The following GTF2H1 variants were observed in gnomAD, a reference collection of about 807,000 sequenced individuals.
GTF2H1 encodes BTF2 p62.
Under a neutral mutation model 71.2 loss-of-function variants are expected in GTF2H1, and 16 were observed. The observed-to-expected ratio is 0.22, with a 90% CI of 0.15 to 0.34. GTF2H1 has a LOEUF of 0.34. GTF2H1 is among the 10% of genes least tolerant of loss of function. The pLI is 1.00. For missense variants in GTF2H1, 498 were observed against 648.2 expected (o/e 0.77, Z 2.52); for synonymous variants, 215 against 219.0 (o/e 0.98, Z 0.16).
chr11:18,341,699 G>C, intron 7 of GTF2H1, 92 bp downstream of exon 7: 1 of 755,686 alleles, frequency 1.3e-6, no homozygotes, highest in East Asian at 2.6e-5. Flanking sequence ...CCACTTGTGA[G>C]AATGTCAAAT....
At chr11:18,340,982 G>A (rs4150601) in intron 5 of GTF2H1, among the ~76,000 whole-genome samples, 1 of 152,120 alleles carries the variant, frequency 6.6e-6, no homozygotes, top group African/African-American at 2.4e-5. Flanking sequence ...AGCAGACTCA[G>A]CTCTGACTCC....
intron 11 of GTF2H1, among the ~76,000 whole-genome samples, chr11:18,353,479 A>G (rs923568691): frequency 3.3e-5 from 5 of 151,998 alleles, no homozygotes; most frequent in African/African-American, 4.8e-5. Context: ...TGATCACATT[A>G]TCTCCTTCAT....
At chr11:18,353,381 A>G (rs1242678054) in intron 11 of GTF2H1, among the ~76,000 whole-genome samples, 1 of 152,158 alleles carries the variant, frequency 6.6e-6, no homozygotes, top group East Asian at 1.9e-4. Context: ...CCACTACTCG[A>G]GTCTCATCTT....
chr11:18,348,062 T>C (rs930762153), intron 9 of GTF2H1, 143 bp downstream of exon 9: 1 of 680,664 alleles, frequency 1.5e-6, no homozygotes, highest in Non-Finnish European at 2.7e-6. Flanking sequence ...TGTATAGCAT[T>C]ACAAAGAGTA....
In GTF2H1 at chr11:18,341,486, C is replaced by G. The variant is rs4150604; in HGVS notation, c.758-42C>G. 3.1e-6 allele frequency: 5 copies of G among 1,599,866 alleles called. No homozygotes were observed. In the East Asian group the frequency reaches 1.1e-4, roughly 36 times the overall value. On this transcript the variant is annotated intron_variant, in intron 6 of 14. Coordinates refer to ENST00000265963, the MANE Select transcript of GTF2H1 (RefSeq NM_005316.4). ...ACATTATAAGTGTTAATTTCTGAGA[C>G]AGATAAGACATGCTGAACTTTTTAT...
Position 18,338,206 on chromosome 11 carries a change from G to A in GTF2H1, c.445G>A (p.Val149Met). Reference sequence around the variant, plus strand: ...GGAATTCTGGGCCAATCGTTTAAATGTGAATGCAACAGATAGTTCTTCCAC... The same window carrying A: ...GGAATTCTGGGCCAATCGTTTAAATATGAATGCAACAGATAGTTCTTCCAC... Reference protein sequence around the residue: ...AEEFWANRLNVNATDSSSTSN... With the variant: ...AEEFWANRLNMNATDSSSTSN... The change falls in exon 4 of 15, where the codon GTG becomes ATG. Residue 149 changes from valine to methionine, a missense_variant. Val to Met is a conservative substitution (Grantham distance 21). Around this residue, in one of 3 missense-constraint regions of GTF2H1, gnomAD observed 216 missense variants for 306.2 expected, o/e 0.71. Transcript: ENST00000265963. The A allele has an allele frequency of 6.2e-7, 1 of 1,608,994 alleles. No individual in the cohort carries two copies. The highest frequency in any genetic ancestry group is 8.5e-7 in the Non-Finnish European group (1 of 1,175,290).
At position 18,358,041 on chromosome 11, in the gene GTF2H1, C is replaced by A. The variant is rs773302048; in HGVS notation, c.1350C>A (p.Asn450Lys). The A allele has an allele frequency of 5.6e-6, 9 of 1,606,246 alleles. No individual in the cohort carries two copies. The Admixed American group carries it at 1.5e-4, about 27-fold the overall frequency. Residue 450 changes from asparagine (N) to lysine (K), a missense_variant and splice_region_variant, in exon 12 of 15, where the codon AAC (asparagine) becomes AAA (lysine). By Grantham distance (94) the Asn-to-Lys change is moderately conservative. Around this residue, in one of 3 missense-constraint regions of GTF2H1, gnomAD observed 266 missense variants for 301.6 expected, o/e 0.88. Coordinates refer to ENST00000265963, the MANE Select transcript of GTF2H1 (RefSeq NM_005316.4). Reference sequence around the variant, plus strand: ...AGGGAGGAACACAGCAAGCCATAAACCGTATGTGCCGGGCCATCTTCTACT... The same window carrying A: ...AGGGAGGAACACAGCAAGCCATAAAACGTATGTGCCGGGCCATCTTCTACT... ...LMQGGTQQAI[N>K]QMVPNDIQSE...
chr11:18,340,783 G>A, intron 5 of GTF2H1, among the ~76,000 whole-genome samples: 1 of 152,044 alleles, frequency 6.6e-6, no homozygotes, highest in Admixed American at 6.5e-5. Flanking sequence ...GGGTCACACA[G>A]ATAGAAAGTG....
intron 3 of GTF2H1, among the ~76,000 whole-genome samples, chr11:18,337,559 A>G (rs573347425): frequency 4.5e-4 from 69 of 152,350 alleles, no homozygotes; most frequent in Middle Eastern, 6.8e-3. Context: ...CAGGAGTTCT[A>G]CATCCACAGA....
chr11:18,336,037 T>C, intron 3 of GTF2H1, 91 bp downstream of exon 3: 1 of 942,618 alleles, frequency 1.1e-6, no homozygotes. Context: ...CCCCACGTTT[T>C]TTCGGTTTTG....
intron 7 of GTF2H1, among the ~76,000 whole-genome samples, chr11:18,345,441 G>A (rs1397283036): frequency 1.3e-5 from 2 of 151,214 alleles, no homozygotes; most frequent in Non-Finnish European, 2.9e-5. Flanking sequence ...CCTAGCGCAT[G>A]TCATGTAGTA....
chr11:18,339,303 C>G (rs992118570), intron 4 of GTF2H1, among the ~76,000 whole-genome samples: 1 of 152,216 alleles, frequency 6.6e-6, no homozygotes, highest in African/African-American at 2.4e-5. Flanking sequence ...TCCACTGCCT[C>G]TCTGCCTTCA....
chr11:18,323,224 G>A (rs1864590775), intron 1 of GTF2H1, among the ~76,000 whole-genome samples: 1 of 152,088 alleles, frequency 6.6e-6, no homozygotes, highest in Non-Finnish European at 1.5e-5. Flanking sequence ...TAGACCATGA[G>A]TACCTGGATA....
Position 18,352,021 on chromosome 11 carries a change from A to C in GTF2H1, c.1142+52A>C, listed in dbSNP as rs1275637323. 4 of 888,518 alleles carry C rather than the reference A, an allele frequency of 4.5e-6. No homozygotes were observed. In the South Asian group the frequency reaches 5.4e-5, roughly 12 times the overall value. 55.0% of individuals were successfully genotyped at this position (888,518 alleles called of 1,614,324 possible). A position where few individuals can be genotyped will look rare whatever the true frequency, so the allele number is the denominator to read the frequency against. ...TAGCTATGTAACAATTCAGTCCAAA[A>C]TATATCCTACAAGTATAGCACTCAT... On this transcript the variant is annotated intron_variant, in intron 10 of 14. Coordinates refer to ENST00000265963, the MANE Select transcript of GTF2H1 (RefSeq NM_005316.4).
intron 12 of GTF2H1, 136 bp downstream of exon 12, chr11:18,358,178 A>G (rs550777026): frequency 1.5e-6 from 1 of 653,300 alleles, no homozygotes; most frequent in Admixed American, 2.9e-5. Flanking sequence ...GTTTTTATAC[A>G]TTCAGATTCT....
chr11:18,361,764 T>C (rs1266162546), intron 14 of GTF2H1, among the ~76,000 whole-genome samples: 2 of 152,194 alleles, frequency 1.3e-5, no homozygotes, highest in Non-Finnish European at 2.9e-5. Flanking sequence ...CCTAGCAGCG[T>C]AAGGAAAGAT....
At chr11:18,352,305 A>C in intron 10 of GTF2H1, 24 bp from the exon 11 acceptor site, 1 of 1,005,600 alleles carries the variant, frequency 9.9e-7, no homozygotes, top group South Asian at 1.3e-5. Flanking sequence ...TGTGATTAGT[A>C]ATTTCTTCTG....
At chr11:18,324,941 T>A (rs887135543) in intron 1 of GTF2H1, among the ~76,000 whole-genome samples, 10 of 152,256 alleles carry the variant, frequency 6.6e-5, no homozygotes, top group Non-Finnish European at 1.3e-4. Context: ...TTCTCCTTAA[T>A]ATCTTCCTTG....
intron 13 of GTF2H1, among the ~76,000 whole-genome samples, chr11:18,359,950 C>T (rs1268232503): frequency 1.3e-5 from 2 of 151,562 alleles, no homozygotes; most frequent in Non-Finnish European, 2.9e-5. Flanking sequence ...GGCAGAACTC[C>T]GTCTCTACAA....
Sources: allele counts gnomAD v4.1 joint callset (sites outside exome capture counted in the v4.1 genomes callset), GRCh38; gene constraint gnomAD v4.1.1; regional missense constraint gnomAD v4.1.1; transcripts MANE v1.5; gene names NCBI Gene and HGNC (gene_info 2026-07-23, HGNC 2026-07-21).